HS3ST5: variants seen among roughly 807,000 people sequenced by gnomAD.
HS3ST5 encodes the protein heparan sulfate glucosamine 3-O-sulfotransferase 5.
A neutral mutation model predicts 25.4 loss-of-function variants in HS3ST5; 10 were observed. That is an observed-to-expected ratio of 0.39 (90% CI 0.24 to 0.67). HS3ST5 has a LOEUF of 0.67. Among genes scored for constraint, HS3ST5 ranks in the 30% least tolerant of loss-of-function variants. The pLI is 0.44. For synonymous variants in HS3ST5, 170 were observed against 162.4 expected (o/e 1.05, Z -0.36); for missense variants, 324 against 420.7 (o/e 0.77, Z 2.01).
intron 1 of HS3ST5, among the ~76,000 whole-genome samples, chr6:114,296,903 A>T (rs530145013): frequency 6.6e-6 from 1 of 152,236 alleles, no homozygotes; most frequent in Non-Finnish European, 1.5e-5. Context: ...CCTATGCCAG[A>T]GTGCCTTCAG....
At chr6:114,199,595 G>GAGCC in intron 2 of HS3ST5, among the ~76,000 whole-genome samples, 1 of 152,270 alleles carries the variant, frequency 6.6e-6, no homozygotes, top group East Asian at 1.9e-4. Flanking sequence ...TTAAAAATAA[G>GAGCC]AGAATCCTCC....
intron 1 of HS3ST5, among the ~76,000 whole-genome samples, chr6:114,244,494 G>A (rs529653397): frequency 1.1e-4 from 17 of 152,192 alleles, no homozygotes; most frequent in African/African-American, 4.1e-4. Context: ...TAAATAATAC[G>A]GTGGATGTTA....
chr6:114,246,360 A>T (rs1364140663), intron 1 of HS3ST5, among the ~76,000 whole-genome samples: 1 of 152,198 alleles, frequency 6.6e-6, no homozygotes, highest in Non-Finnish European at 1.5e-5. Flanking sequence ...TGCTTAAGTC[A>T]CAGTGTTTTT....
chr6:114,294,233 G>A (rs1774711974), intron 1 of HS3ST5, among the ~76,000 whole-genome samples: 1 of 152,170 alleles, frequency 6.6e-6, no homozygotes, highest in Non-Finnish European at 1.5e-5. Flanking sequence ...AAAAAAACCT[G>A]CGGAATTAGT....
At chr6:114,131,286 A>C (rs897616473) in intron 3 of HS3ST5, 1 of 152,208 alleles carries the variant, frequency 6.6e-6, no homozygotes, top group Non-Finnish European at 1.5e-5. Context: ...ATTTAAGTAG[A>C]TCATATTTCA....
intron 3 of HS3ST5, among the ~76,000 whole-genome samples, chr6:114,075,387 C>A (rs1774064164): frequency 6.6e-6 from 1 of 152,220 alleles, no homozygotes. Context: ...CCACAAACTA[C>A]TCTCCAAAAA....
chr6:114,335,778 C>T (rs1365133804), intron 1 of HS3ST5, among the ~76,000 whole-genome samples: 3 of 152,050 alleles, frequency 2.0e-5, no homozygotes, highest in Admixed American at 6.6e-5. Context: ...CATCAGCCTC[C>T]TGAGTAGCTG....
At chr6:114,073,801 T>C (rs951289856) in intron 3 of HS3ST5, among the ~76,000 whole-genome samples, 14 of 152,240 alleles carry the variant, frequency 9.2e-5, no homozygotes, top group Non-Finnish European at 1.8e-4. Context: ...ACTGGGTATA[T>C]ACCCAAAGGA....
chr6:114,064,574 C>A (rs1285694344), intron 3 of HS3ST5, among the ~76,000 whole-genome samples: 1 of 152,180 alleles, frequency 6.6e-6, no homozygotes, highest in Admixed American at 6.5e-5. Context: ...AGTCATCCAA[C>A]ACACAGTTGA....
chr6:114,164,231 A>C (rs566123482), intron 3 of HS3ST5, among the ~76,000 whole-genome samples: 1 of 152,274 alleles, frequency 6.6e-6, no homozygotes, highest in East Asian at 1.9e-4. Flanking sequence ...ATAGTTTAGA[A>C]AATACCTTTA....
At chr6:114,319,449 T>G (rs1350216142) in intron 1 of HS3ST5, among the ~76,000 whole-genome samples, 1 of 152,164 alleles carries the variant, frequency 6.6e-6, no homozygotes. Flanking sequence ...TGGCTATGTC[T>G]TGCTGATGCC....
chr6:114,198,144 T>C (rs1347204491), intron 2 of HS3ST5, among the ~76,000 whole-genome samples: 1 of 151,960 alleles, frequency 6.6e-6, no homozygotes, highest in African/African-American at 2.4e-5. Flanking sequence ...CAAAATACAG[T>C]TGGAAGCCTT....
In HS3ST5 at chr6:114,155,681, C is replaced by T. The variant is rs149364767; in HGVS notation, c.-33+12670G>A. On this transcript the variant is annotated intron_variant, in intron 3 of 4. Transcript: ENST00000312719. Reference sequence around the variant, plus strand: ...AAGAAGGAACCCATTATATCATACACCTAAGTGACATAATGTATATTTTTT... The same window carrying T: ...AAGAAGGAACCCATTATATCATACATCTAAGTGACATAATGTATATTTTTT... Among the ~76,000 whole-genome samples the T allele has an allele frequency of 2.4e-3, 366 of 152,316 alleles. 2 individuals are homozygous for T. The highest frequency in any genetic ancestry group is 8.5e-3 in the African/African-American group (354 of 41,574).
intron 2 of HS3ST5, among the ~76,000 whole-genome samples, chr6:114,186,444 C>G (rs1780220658): frequency 6.6e-6 from 1 of 152,100 alleles, no homozygotes. Context: ...CCAGCCACAA[C>G]CTTCCCCTAA....
intron 3 of HS3ST5, among the ~76,000 whole-genome samples, chr6:114,154,858 T>A (rs1778624035): frequency 2.6e-5 from 4 of 152,328 alleles, no homozygotes; most frequent in Admixed American, 1.3e-4. Flanking sequence ...CTTCCCTGAC[T>A]GCCATACATA....
At chr6:114,238,660 G>A (rs1483267130) in intron 1 of HS3ST5, among the ~76,000 whole-genome samples, 2 of 152,132 alleles carry the variant, frequency 1.3e-5, no homozygotes, top group South Asian at 2.1e-4. Flanking sequence ...GGAGAGGGCT[G>A]GTCTAATACT....
intron 3 of HS3ST5, among the ~76,000 whole-genome samples, chr6:114,129,034 C>T (rs1042884033): frequency 6.6e-6 from 1 of 152,154 alleles, no homozygotes; most frequent in Non-Finnish European, 1.5e-5. Context: ...ATTTATCATA[C>T]ATTTATTAAA....
chr6:114,305,015 T>C (rs902590293), intron 1 of HS3ST5, among the ~76,000 whole-genome samples: 5 of 152,122 alleles, frequency 3.3e-5, no homozygotes, highest in Non-Finnish European at 7.4e-5. Context: ...TCTTAAAGAT[T>C]AGTTGCAATG....
intron 1 of HS3ST5, among the ~76,000 whole-genome samples, chr6:114,251,148 A>G (rs770933881): frequency 9.9e-5 from 15 of 152,202 alleles, no homozygotes; most frequent in South Asian, 4.1e-4. Context: ...AAGAAAAAGT[A>G]ACGTATAAAA....
Sources: allele counts gnomAD v4.1 joint callset (sites outside exome capture counted in the v4.1 genomes callset), GRCh38; gene constraint gnomAD v4.1.1; transcripts MANE v1.5; gene names NCBI Gene and HGNC (gene_info 2026-07-23, HGNC 2026-07-21).